Variants in SPOCK3 observed in about 807,000 individuals in gnomAD.
The protein encoded by SPOCK3 is SPARC (osteonectin), cwcv and kazal like domains proteoglycan 3.
SPOCK3 carries 30 observed loss-of-function variants against 56.6 expected under a neutral mutation model. The observed-to-expected ratio is 0.53, with a 90% CI of 0.40 to 0.72. SPOCK3 has a LOEUF of 0.72. Ranked by LOEUF, SPOCK3 falls within the 30% of genes least tolerant of loss-of-function variation. The pLI, the probability that SPOCK3 is intolerant of heterozygous loss-of-function variation, is 0.00. For synonymous variants in SPOCK3, 196 were observed against 183.3 expected (o/e 1.07, Z -0.56); for missense variants, 527 against 530.0 (o/e 0.99, Z 0.06).
chr4:166,938,536 T>C (rs1384072340), intron 4 of SPOCK3, among the ~76,000 whole-genome samples: 2 of 152,102 alleles, frequency 1.3e-5, no homozygotes, highest in African/African-American at 4.8e-5. Flanking sequence ...AGTACAAAGT[T>C]TTAGAATTCA....
At chr4:167,006,047 A>C (rs1281370651) in intron 3 of SPOCK3, among the ~76,000 whole-genome samples, 1 of 152,164 alleles carries the variant, frequency 6.6e-6, no homozygotes, top group African/African-American at 2.4e-5. Flanking sequence ...TTTGGATGGG[A>C]TATTTTATGA....
intron 7 of SPOCK3, among the ~76,000 whole-genome samples, chr4:166,772,952 C>A (rs2126580033): frequency 6.6e-6 from 1 of 152,188 alleles, no homozygotes; most frequent in South Asian, 2.1e-4. Flanking sequence ...CCATGCCTGG[C>A]TAATTTTTTA....
At chr4:166,951,192 G>T (rs1267143549) in intron 4 of SPOCK3, among the ~76,000 whole-genome samples, 1 of 143,010 alleles carries the variant, frequency 7.0e-6, no homozygotes, top group Non-Finnish European at 1.5e-5. Context: ...CTGCTAGCAA[G>T]ACTAATAAAA....
At chr4:166,821,887 G>A (rs1744970055) in intron 6 of SPOCK3, among the ~76,000 whole-genome samples, 1 of 151,906 alleles carries the variant, frequency 6.6e-6, no homozygotes, top group Non-Finnish European at 1.5e-5. Flanking sequence ...GAACTTTATG[G>A]TATATCAATT....
At chr4:167,205,551 A>ATATAT (rs1561322811) in intron 2 of SPOCK3, among the ~76,000 whole-genome samples, 2 of 57,182 alleles carry the variant, frequency 3.5e-5, no homozygotes, top group Admixed American at 3.7e-4. Context: ...ATATTATATA[A>ATATAT]TATATAATAT....
At chr4:166,811,321 T>G (rs1743758878) in intron 6 of SPOCK3, among the ~76,000 whole-genome samples, 1 of 151,822 alleles carries the variant, frequency 6.6e-6, no homozygotes, top group Non-Finnish European at 1.5e-5. Flanking sequence ...CTCTTCTTTT[T>G]TTTTTACATC....
intron 4 of SPOCK3, among the ~76,000 whole-genome samples, chr4:166,936,284 GTTC>G (rs780700597): frequency 3.3e-5 from 5 of 151,970 alleles, no homozygotes; most frequent in Admixed American, 6.6e-5. Context: ...TTTTTAAAAA[GTTC>G]TTGTCTGATT....
At chr4:166,828,997 T>G (rs576330966) in intron 6 of SPOCK3, among the ~76,000 whole-genome samples, 4 of 152,070 alleles carry the variant, frequency 2.6e-5, no homozygotes, top group Non-Finnish European at 5.9e-5. Flanking sequence ...ATTGAAAATC[T>G]TCTGTGTTTG....
chr4:166,807,318 A>T (rs935540035), intron 6 of SPOCK3, among the ~76,000 whole-genome samples: 2 of 151,956 alleles, frequency 1.3e-5, no homozygotes, highest in African/African-American at 4.8e-5. Context: ...TAAAAAAAAA[A>T]AAAAAGAACA....
chr4:167,198,358 T>G (rs1169494344), intron 2 of SPOCK3, among the ~76,000 whole-genome samples: 1 of 152,130 alleles, frequency 6.6e-6, no homozygotes, highest in Non-Finnish European at 1.5e-5. Flanking sequence ...ATGTGATAGT[T>G]TGGTTATAGA....
chr4:167,223,397 T>TTA (rs1369490241), intron 2 of SPOCK3, among the ~76,000 whole-genome samples: 1 of 148,202 alleles, frequency 6.7e-6, no homozygotes, highest in Non-Finnish European at 1.5e-5. Flanking sequence ...AGATATTATA[T>TTA]TATATATAGA....
At chr4:166,877,094 G>A (rs1733175767) in intron 6 of SPOCK3, among the ~76,000 whole-genome samples, 1 of 152,036 alleles carries the variant, frequency 6.6e-6, no homozygotes, top group Non-Finnish European at 1.5e-5. Context: ...GGTTAAAGTG[G>A]CTACCTCTAA....
At chr4:167,172,913 G>A (rs12646779) in intron 2 of SPOCK3, among the ~76,000 whole-genome samples, 4,708 of 152,038 alleles carry the variant, frequency 0.031, 113 homozygotes, top group Middle Eastern at 0.075. Flanking sequence ...ATTTCAGGTA[G>A]AAATTATTTT....
At chr4:167,212,792 T>C (rs929767847) in intron 2 of SPOCK3, among the ~76,000 whole-genome samples, 3 of 152,172 alleles carry the variant, frequency 2.0e-5, no homozygotes, top group African/African-American at 4.8e-5. Flanking sequence ...TCAAAATTGA[T>C]AAAGTACATT....
chr4:166,793,296 T>C (rs1741552711), intron 6 of SPOCK3, among the ~76,000 whole-genome samples: 1 of 152,184 alleles, frequency 6.6e-6, no homozygotes, highest in African/African-American at 2.4e-5. Context: ...TAACATAATG[T>C]AATGTAATTG....
chr4:167,136,781 G>A (rs1419759234), intron 2 of SPOCK3, among the ~76,000 whole-genome samples: 1 of 152,024 alleles, frequency 6.6e-6, no homozygotes, highest in African/African-American at 2.4e-5. Flanking sequence ...TTAAGCAATG[G>A]AATGTATACA....
At chr4:167,208,729 A>T (rs1734587592) in intron 2 of SPOCK3, among the ~76,000 whole-genome samples, 1 of 151,928 alleles carries the variant, frequency 6.6e-6, no homozygotes, top group Non-Finnish European at 1.5e-5. Flanking sequence ...ATCTGCTAAA[A>T]ATATGAGAAA....
At chr4:166,895,666 C>T (rs1026558815) in intron 5 of SPOCK3, among the ~76,000 whole-genome samples, 5 of 151,988 alleles carry the variant, frequency 3.3e-5, no homozygotes, top group African/African-American at 1.2e-4. Flanking sequence ...TGAAGAAATT[C>T]CTTGTTTATT....
rs1019867530 is a variant in SPOCK3, at chr4:166,904,553, C to T, written c.474+8067G>A. On this transcript the variant is annotated intron_variant, in intron 5 of 10. Coordinates refer to ENST00000357545, the MANE Select transcript of SPOCK3 (RefSeq NM_001040159.2). ...AGTAACATAGTAAGGATGGCACATG[C>T]TATAGTTATCTTTACATATGAATAA... 1.3e-4 allele frequency among the ~76,000 whole-genome samples: 20 copies of T among 152,064 alleles called. No homozygotes were observed. The East Asian group carries it at 3.5e-3, about 26-fold the overall frequency.
Sources: allele counts gnomAD v4.1 joint callset (sites outside exome capture counted in the v4.1 genomes callset), GRCh38; gene constraint gnomAD v4.1.1; transcripts MANE v1.5; gene names NCBI Gene and HGNC (gene_info 2026-07-23, HGNC 2026-07-21).